Variants in ZSWIM5 observed in about 807,000 individuals in gnomAD.
The protein encoded by ZSWIM5 is zinc finger SWIM-type containing 5.
A neutral mutation model predicts 119.6 loss-of-function variants in ZSWIM5; 55 were observed. That is an observed-to-expected ratio of 0.46 (90% CI 0.37 to 0.58). The LOEUF (loss-of-function observed/expected upper bound fraction) is 0.58. Among genes scored for constraint, ZSWIM5 ranks in the 20% least tolerant of loss-of-function variants. The pLI, the probability that ZSWIM5 is intolerant of heterozygous loss-of-function variation, is 0.00. For missense variants in ZSWIM5, 1,193 were observed against 1,512.8 expected, an observed-to-expected ratio of 0.79 and a Z score of 3.51; for synonymous variants, 537 against 606.9, an observed-to-expected ratio of 0.88 and a Z score of 1.69.
chr1:45,088,406 T>G lies in ZSWIM5; in HGVS notation c.596-169A>C, dbSNP rs572042601. On this transcript the variant is annotated intron_variant, in intron 1 of 13. Coordinates refer to ENST00000359600, the MANE Select transcript of ZSWIM5 (RefSeq NM_020883.2). The surrounding 1 kb of genome is among the most constrained non-coding windows in gnomAD (Gnocchi z 4.2). ...GAGGTCAATGAAATTCAGTTACTGC[T>G]CTGAAGAAACACACAATATAGAAAG... Among the ~76,000 whole-genome samples the G allele has an allele frequency of 3.3e-5, 5 of 152,228 alleles. No homozygotes were observed. Among genetic ancestry groups the G allele is most frequent in the Non-Finnish European group, 7.3e-5 (5 of 68,042 alleles).
intron 1 of ZSWIM5, among the ~76,000 whole-genome samples, chr1:45,150,605 CT>C (rs1421377800): frequency 6.6e-6 from 1 of 152,182 alleles, no homozygotes; most frequent in Non-Finnish European, 1.5e-5. Flanking sequence ...CTTTCTGCCC[CT>C]ATACCCTTAA....
chr1:45,016,465 A>C lies in ZSWIM5; in HGVS notation c.*1989T>G, dbSNP rs1266059392. The stretch of plus-strand genomic sequence containing the variant: ...TCATAGAAAAGCACTGTGAATTCAC[A>C]CACTTGCTAAAAAAGGGCAACTGTG... On this transcript the variant is annotated 3_prime_UTR_variant, in exon 14 of 14. Transcript: ENST00000359600. 6.6e-6 allele frequency: 1 copy of C among 152,254 alleles called. No individual in the cohort carries two copies. The highest frequency in any genetic ancestry group is 1.5e-5 in the Non-Finnish European group (1 of 68,046). The allele number at this position is 152,254 out of a possible 1,614,324, so 9.4% of individuals were successfully genotyped here.
chr1:45,044,778 T>TATATATATATAA (rs1557746495), intron 5 of ZSWIM5, among the ~76,000 whole-genome samples: 5 of 2,682 alleles, frequency 1.9e-3, no homozygotes, highest in African/African-American at 3.0e-3. Flanking sequence ...TATATATAAA[T>TATATATATATAA]ATATATATAT....
At chr1:45,048,627 T>C (rs1263537841) in intron 5 of ZSWIM5, among the ~76,000 whole-genome samples, 1 of 151,954 alleles carries the variant, frequency 6.6e-6, no homozygotes, top group East Asian at 1.9e-4. Flanking sequence ...GCTAGCAAGA[T>C]TGATGGTGGT....
chr1:45,052,950 C>T (rs897401602), intron 4 of ZSWIM5, among the ~76,000 whole-genome samples: 1 of 151,488 alleles, frequency 6.6e-6, no homozygotes, highest in African/African-American at 2.4e-5. Flanking sequence ...GGAGAAACCC[C>T]GTCTCTACTA....
intron 2 of ZSWIM5, among the ~76,000 whole-genome samples, chr1:45,080,783 A>G (rs774268453): frequency 2.2e-4 from 34 of 152,200 alleles, no homozygotes; most frequent in Non-Finnish European, 4.6e-4. Context: ...AGGATGCTGT[A>G]CCCCAGAGAA....
At chr1:45,096,930 G>A (rs931986705) in intron 1 of ZSWIM5, among the ~76,000 whole-genome samples, 2 of 152,160 alleles carry the variant, frequency 1.3e-5, no homozygotes, top group Non-Finnish European at 2.9e-5. Context: ...AATGAGCCAT[G>A]CTTTCTTTGC....
intron 1 of ZSWIM5, among the ~76,000 whole-genome samples, chr1:45,147,221 T>C (rs1190451206): frequency 6.6e-6 from 1 of 151,978 alleles, no homozygotes; most frequent in African/African-American, 2.4e-5. Flanking sequence ...CCAACAGGCA[T>C]TCACCATCAT....
rs1448938142 is a variant in ZSWIM5 at position 45,123,772 on chromosome 1, G to A, written c.596-35535C>T. 2.0e-5 allele frequency among the ~76,000 whole-genome samples: 3 copies of A among 152,088 alleles called. No individual in the cohort carries two copies. In the South Asian group the frequency reaches 6.2e-4, roughly 32 times the overall value. ...TTCAAGAAGCTGAATAAACCCCAAAGAGGATTATACCCAAAGAAATCCACG... is the reference window on the plus strand; with the variant it reads ...TTCAAGAAGCTGAATAAACCCCAAAAAGGATTATACCCAAAGAAATCCACG... On this transcript the variant is annotated intron_variant, in intron 1 of 13. Transcript: ENST00000359600.
rs1308235306 is a variant in ZSWIM5, at chr1:45,020,077, G to A, written c.2684C>T (p.Ala895Val). The A allele has an allele frequency of 6.2e-7, 1 of 1,614,102 alleles. No individual in the cohort carries two copies. Among genetic ancestry groups the A allele is most frequent in the Non-Finnish European group, 8.5e-7 (1 of 1,180,004 alleles). The change falls in exon 13 of 14, where the codon GCT (alanine) becomes GTT (valine). Residue 895 changes from alanine to valine, a missense_variant. Ala to Val is a moderately conservative substitution (Grantham distance 64). Coordinates refer to ENST00000359600, the MANE Select transcript of ZSWIM5 (RefSeq NM_020883.2). The stretch of plus-strand genomic sequence containing the variant: ...GGTGGGAGACTCACCCACTTCTGTA[G>A]CACAGGTCACCAACCATCGTACCAT... ...REMVRWLVTC[A>V]TEVGVRALVS...
intron 7 of ZSWIM5, among the ~76,000 whole-genome samples, chr1:45,040,026 T>C (rs1184444652): frequency 6.6e-6 from 1 of 151,594 alleles, no homozygotes; most frequent in Non-Finnish European, 1.5e-5. Flanking sequence ...TTTGTAAAGA[T>C]AGGGTCTCAC....
chr1:45,089,621 TTTC>T (rs1482545566), intron 1 of ZSWIM5, among the ~76,000 whole-genome samples: 3 of 152,166 alleles, frequency 2.0e-5, no homozygotes, highest in Non-Finnish European at 2.9e-5. Context: ...CAATGTTAAT[TTTC>T]TTTTCATTAT....
At chr1:45,074,756 A>T (rs146537160) in intron 2 of ZSWIM5, among the ~76,000 whole-genome samples, 3,175 of 151,258 alleles carry the variant, frequency 0.021, 163 homozygotes, top group African/African-American at 0.074. Flanking sequence ...CTTCTATTAA[A>T]TTTGGGTTTG....
At chr1:45,097,079 G>A (rs963677271) in intron 1 of ZSWIM5, among the ~76,000 whole-genome samples, 3 of 152,198 alleles carry the variant, frequency 2.0e-5, no homozygotes, top group Admixed American at 6.5e-5. Context: ...AGAGCTCTGG[G>A]AACCACAAGA....
intron 1 of ZSWIM5, among the ~76,000 whole-genome samples, chr1:45,116,611 A>C (rs1402771246): frequency 2.0e-5 from 3 of 152,228 alleles, no homozygotes; most frequent in African/African-American, 7.2e-5. Context: ...GAGGCCAGAG[A>C]ACAACTGAAG....
In ZSWIM5 at chr1:45,055,163, T is replaced by G. The variant is rs570843287; in HGVS notation, c.1252+3446A>C. Reference sequence around the variant, plus strand: ...CCACCACCATGCCTGGCTAATTTTTTGTATTTTTAGTAGAGATGGGGTTTC... The same window carrying G: ...CCACCACCATGCCTGGCTAATTTTTGGTATTTTTAGTAGAGATGGGGTTTC... On this transcript the variant is annotated intron_variant, in intron 4 of 13. Transcript: ENST00000359600. Among the ~76,000 whole-genome samples the G allele has an allele frequency of 3.9e-5, 6 of 152,296 alleles. No individual in the cohort carries two copies. In the East Asian group the frequency reaches 9.6e-4, roughly 24 times the overall value.
At position 45,031,163 on chromosome 1, in the gene ZSWIM5, G is replaced by A. The variant is rs1170171076; in HGVS notation, c.2449+3149C>T. ...ATTATTCTCTATTTCATTGATTTTTGCTCTGATTTTTTTTTTTTTTTTTTT... is the reference window on the plus strand; with the variant it reads ...ATTATTCTCTATTTCATTGATTTTTACTCTGATTTTTTTTTTTTTTTTTTT... On this transcript the variant is annotated intron_variant, in intron 11 of 13. Coordinates refer to ENST00000359600, the MANE Select transcript of ZSWIM5 (RefSeq NM_020883.2). Among the ~76,000 whole-genome samples, 4 of 119,042 alleles carry A rather than the reference G, an allele frequency of 3.4e-5. No homozygotes were observed. The South Asian group carries it at 7.9e-4, about 24-fold the overall frequency. The allele number at this position is 119,042 out of a possible 152,430, so 78.1% of individuals were successfully genotyped here.
rs1012199549 is a variant in ZSWIM5 at position 45,139,666 on chromosome 1, C to G, written c.596-51429G>C. ...CCAGCTAATTTTTTCTTTTCTTTTTCTTTTCTTTCCTTCTTTTGCTTTCTT... is the reference window on the plus strand; with the variant it reads ...CCAGCTAATTTTTTCTTTTCTTTTTGTTTTCTTTCCTTCTTTTGCTTTCTT... On this transcript the variant is annotated intron_variant, in intron 1 of 13. Transcript: ENST00000359600. Among the ~76,000 whole-genome samples, 4 of 137,602 alleles carry G rather than the reference C, an allele frequency of 2.9e-5. No homozygotes were observed. The East Asian group carries it at 8.4e-4, about 29-fold the overall frequency. The allele number at this position is 137,602 out of a possible 152,430, so 90.3% of individuals were successfully genotyped here.
rs1644870816 is a variant in ZSWIM5 at position 45,018,897 on chromosome 1, T to C, written c.3115A>G (p.Ile1039Val). The C allele has an allele frequency of 1.2e-6, 2 of 1,614,090 alleles. No individual in the cohort carries two copies. Among genetic ancestry groups the C allele is most frequent in the Non-Finnish European group, 8.5e-7 (1 of 1,180,036 alleles). The change falls in exon 14 of 14, where the codon ATC (isoleucine) becomes GTC (valine). Residue 1039 changes from isoleucine (I) to valine (V), a missense_variant. Around this residue, in one of 2 missense-constraint regions of ZSWIM5, gnomAD observed 961 missense variants for 1,290.0 expected, o/e 0.74. Coordinates refer to ENST00000359600, the MANE Select transcript of ZSWIM5 (RefSeq NM_020883.2). This position sits in a 1 kb window ranked among gnomAD's most constrained non-coding sequence, Gnocchi z 6.7. Reference sequence around the variant, plus strand: ...GCACAAGCCCAGAGCACATCATTGATGGCTGGGTGAGTATCCTGGTTGTAG... The same window carrying C: ...GCACAAGCCCAGAGCACATCATTGACGGCTGGGTGAGTATCCTGGTTGTAG... ...LAYNQDTHPA[I>V]NDVLWACALS...
Sources: gnomAD v4.1 joint callset for allele counts (sites outside exome capture counted in the v4.1 genomes callset) on GRCh38, gnomAD v4.1.1 for gene constraint, gnomAD v4.1.1 regional missense constraint, Gnocchi (gnomAD v3.1) non-coding constraint, MANE v1.5 for transcripts, NCBI Gene and HGNC (gene_info 2026-07-23, HGNC 2026-07-21) for gene names.